The following SEMA6D variants were observed in gnomAD, a reference collection of about 807,000 sequenced individuals.
SEMA6D encodes semaphorin 6D.
In SEMA6D, 35 loss-of-function variants were observed where a neutral mutation model predicts 106.6. That is an observed-to-expected ratio of 0.33 (90% CI 0.25 to 0.44). The LOEUF (loss-of-function observed/expected upper bound fraction) is 0.44, where lower values mean the gene tolerates loss of function less well. Ranked by LOEUF, SEMA6D falls within the 20% of genes least tolerant of loss-of-function variation. SEMA6D has a pLI of 1.00. For synonymous variants in SEMA6D, 499 were observed against 487.7 expected, an observed-to-expected ratio of 1.02 and a Z score of -0.31; for missense variants, 1,185 against 1,345.9, an observed-to-expected ratio of 0.88 and a Z score of 1.87.
Position 47,314,693 on chromosome 15 carries a change from GC to G in SEMA6D, c.-238-97698del, listed in dbSNP as rs551576525. 6.0e-3 allele frequency among the ~76,000 whole-genome samples: 907 copies of G among 150,688 alleles called. 4 individuals carry two copies. Among genetic ancestry groups the G allele is most frequent in the Admixed American group, 9.3e-3 (140 of 15,086 alleles). ...CTTCTTTTGCAAATATTTTCTTCCA[GC>G]CTGTGGCTTGTCTTTGCAGTCTCTG... On this transcript the variant is annotated intron_variant, in intron 1 of 19. Transcript: ENST00000558014.
intron 1 of SEMA6D, among the ~76,000 whole-genome samples, chr15:47,734,146 C>A (rs1303737758): frequency 1.3e-5 from 2 of 152,198 alleles, no homozygotes; most frequent in African/African-American, 4.8e-5. Context: ...TAGTAACTTT[C>A]TGGATTAGCT....
chr15:47,275,745 C>CT (rs1470868551), intron 1 of SEMA6D, among the ~76,000 whole-genome samples: 2 of 152,114 alleles, frequency 1.3e-5, no homozygotes, highest in Non-Finnish European at 2.9e-5. Context: ...ACATTGGCCT[C>CT]TAAGTATTCA....
intron 1 of SEMA6D, among the ~76,000 whole-genome samples, chr15:47,197,107 G>T (rs1894413298): frequency 1.3e-5 from 2 of 152,172 alleles, no homozygotes; most frequent in African/African-American, 2.4e-5. Flanking sequence ...AGTACCTGTG[G>T]TGGTGGTTTT....
chr15:47,763,732 A>AT (rs907969153), intron 9 of SEMA6D, 118 bp from the exon 10 acceptor site: 51 of 884,650 alleles, frequency 5.8e-5, no homozygotes, highest in Middle Eastern at 3.5e-4. Flanking sequence ...AGACTGCTAG[A>AT]TTTTTTTGAA....
intron 1 of SEMA6D, among the ~76,000 whole-genome samples, chr15:47,358,918 T>C (rs147091656): frequency 7.9e-4 from 120 of 152,330 alleles, no homozygotes; most frequent in African/African-American, 2.7e-3. Context: ...CCCACTTTGC[T>C]GTGAACTGTG....
intron 1 of SEMA6D, among the ~76,000 whole-genome samples, chr15:47,723,943 G>T (rs768747027): frequency 1.7e-3 from 257 of 152,296 alleles, no homozygotes; most frequent in Non-Finnish European, 2.7e-3. Context: ...CTCAGCTGAG[G>T]AACTGGCACA....
intron 1 of SEMA6D, among the ~76,000 whole-genome samples, chr15:47,722,072 A>C (rs1011463487): frequency 1.3e-5 from 2 of 152,170 alleles, no homozygotes; most frequent in Non-Finnish European, 2.9e-5. Context: ...AACCTGTCCC[A>C]GGCCCCTCAT....
At chr15:47,296,615 C>G (rs948878209) in intron 1 of SEMA6D, among the ~76,000 whole-genome samples, 1 of 152,126 alleles carries the variant, frequency 6.6e-6, no homozygotes, top group African/African-American at 2.4e-5. Context: ...AAGTGAAGAA[C>G]CAGATACACT....
chr15:47,460,453 A>G (rs761286275), intron 2 of SEMA6D, among the ~76,000 whole-genome samples: 2 of 152,104 alleles, frequency 1.3e-5, no homozygotes, highest in African/African-American at 2.4e-5. Context: ...TTACAAAATG[A>G]TGAGTACCCG....
intron 1 of SEMA6D, among the ~76,000 whole-genome samples, chr15:47,266,673 A>C (rs990973735): frequency 2.0e-5 from 3 of 152,080 alleles, no homozygotes; most frequent in African/African-American, 7.2e-5. Flanking sequence ...TAGCCTGAGC[A>C]ACAAGTAGAT....
chr15:47,521,435 C>G (rs768710307), intron 3 of SEMA6D, among the ~76,000 whole-genome samples: 1 of 152,174 alleles, frequency 6.6e-6, no homozygotes, highest in African/African-American at 2.4e-5. Context: ...AAACTCCTCT[C>G]GGATCTGACT....
intron 1 of SEMA6D, among the ~76,000 whole-genome samples, chr15:47,212,386 C>A (rs575787285): frequency 6.6e-6 from 1 of 152,164 alleles, no homozygotes; most frequent in South Asian, 2.1e-4. Flanking sequence ...ATGAGTCAGA[C>A]CTTTCTGCTT....
intron 3 of SEMA6D, among the ~76,000 whole-genome samples, chr15:47,516,716 G>C (rs551326380): frequency 6.6e-6 from 1 of 152,210 alleles, no homozygotes; most frequent in African/African-American, 2.4e-5. Context: ...TCACTTCTTA[G>C]AAGAAATTAC....
intron 1 of SEMA6D, among the ~76,000 whole-genome samples, chr15:47,320,228 T>G (rs1280281792): frequency 6.6e-6 from 1 of 152,150 alleles, no homozygotes; most frequent in African/African-American, 2.4e-5. Context: ...ACAGTCTTCT[T>G]CAGCTTATCA....
intron 3 of SEMA6D, among the ~76,000 whole-genome samples, chr15:47,572,677 TACA>T (rs2076083520): frequency 1.3e-5 from 2 of 152,204 alleles, no homozygotes; most frequent in South Asian, 4.1e-4. Flanking sequence ...AACACATATA[TACA>T]ACACTTTCTT....
rs1282504821 is a variant in SEMA6D, at chr15:47,333,160, C to G, written c.-238-79233C>G. On this transcript the variant is annotated intron_variant, in intron 1 of 19. Transcript: ENST00000558014. ...CCACCTTTGATTATTCTTTATGACT[C>G]TTAAATTTCACGATTTAAAATGACC... 2.0e-5 allele frequency among the ~76,000 whole-genome samples: 3 copies of G among 152,064 alleles called. 1 individual carries two copies. Among genetic ancestry groups the G allele is most frequent in the African/African-American group, 4.8e-5 (2 of 41,396 alleles).
intron 4 of SEMA6D, among the ~76,000 whole-genome samples, chr15:47,638,626 A>G (rs138187258): frequency 6.6e-6 from 1 of 152,348 alleles, no homozygotes; most frequent in East Asian, 1.9e-4. Context: ...TTTTCAATGT[A>G]CTATTTCAAA....
At position 47,724,410 on chromosome 15, in the gene SEMA6D, G is replaced by A. The variant is rs188064382; in HGVS notation, c.-55+6718G>A. On this transcript the variant is annotated intron_variant, in intron 1 of 18. Coordinates refer to ENST00000536845, the MANE Select transcript of SEMA6D (RefSeq NM_001358351.3). ...AACAAGGTGTACAAATAGCTGAAACGCTGTGTGTTTTAAGTGCCAGAAAAG... is the reference window on the plus strand; with the variant it reads ...AACAAGGTGTACAAATAGCTGAAACACTGTGTGTTTTAAGTGCCAGAAAAG... Among the ~76,000 whole-genome samples the A allele has an allele frequency of 2.6e-4, 39 of 152,318 alleles. No individual in the cohort carries two copies. The East Asian group carries it at 4.4e-3, about 17-fold the overall frequency.
chr15:47,314,555 G>A (rs562702695), intron 1 of SEMA6D, among the ~76,000 whole-genome samples: 44 of 114,562 alleles, frequency 3.8e-4, no homozygotes, highest in Admixed American at 3.3e-3. Context: ...CCGAGATCCC[G>A]CCACTGCACT....
Sources: allele counts gnomAD v4.1 joint callset (sites outside exome capture counted in the v4.1 genomes callset), GRCh38; gene constraint gnomAD v4.1.1; transcripts MANE v1.5; gene names NCBI Gene and HGNC (gene_info 2026-07-23, HGNC 2026-07-21).